The following IRAG2 variants were observed in gnomAD, a reference collection of about 807,000 sequenced individuals.
IRAG2 encodes the protein inositol 1,4,5-triphosphate receptor associated 2.
IRAG2 carries 45 observed loss-of-function variants against 69.9 expected under a neutral mutation model. The ratio of observed to expected loss-of-function variants is 0.64; its 90% confidence interval spans 0.51 to 0.83. IRAG2 has a LOEUF of 0.83. Ranked by LOEUF, IRAG2 falls within the 40% of genes least tolerant of loss-of-function variation. The probability of loss-of-function intolerance (pLI) is 0.00; values close to 1 mark genes in which losing one functional copy is unlikely to be tolerated. For missense variants in IRAG2, 520 were observed against 587.0 expected (o/e 0.89, Z 1.18); for synonymous variants, 193 against 202.4 (o/e 0.95, Z 0.40).
intron 6 of IRAG2, among the ~76,000 whole-genome samples, chr12:25,072,078 G>A (rs780787850): frequency 2.0e-5 from 3 of 152,000 alleles, no homozygotes; most frequent in Non-Finnish European, 2.9e-5. Context: ...GGTGGCAGGC[G>A]CCTGTAAAAC....
At position 25,069,396 on chromosome 12, in the gene IRAG2, G is replaced by A. The variant is rs971752691; in HGVS notation, c.-12G>A. The stretch of plus-strand genomic sequence containing the variant: ...CCCCAGCCCAGGAACGAATCTCTCA[G>A]GCTGCATCAGGATGAATGATGACCC... On this transcript the variant is annotated 5_prime_UTR_variant, in exon 6 of 22. Transcript: ENST00000556887. 6.2e-7 allele frequency: 1 copy of A among 1,613,912 alleles called. No homozygotes were observed. Among genetic ancestry groups the A allele is most frequent in the African/African-American group, 1.3e-5 (1 of 75,022 alleles).
chr12:25,041,722 G>A (rs991999762), intron 16 of IRAG2, among the ~76,000 whole-genome samples: 1 of 148,694 alleles, frequency 6.7e-6, no homozygotes, highest in African/African-American at 2.5e-5. Context: ...GGCCAGGCTG[G>A]TCTCAAACTC....
upstream of IRAG2, among the ~76,000 whole-genome samples, chr12:25,049,397 G>A (rs972506717): frequency 5.9e-5 from 9 of 152,066 alleles, no homozygotes; most frequent in African/African-American, 1.2e-4. Context: ...TTTTCCATTT[G>A]TTTGTGTCCT....
chr12:25,010,205 A>G (rs898087959), intron 2 of IRAG2, among the ~76,000 whole-genome samples: 5 of 152,150 alleles, frequency 3.3e-5, no homozygotes, highest in African/African-American at 1.2e-4. Flanking sequence ...TGCTGGGTAC[A>G]GTGACTCACA....
intron 15 of IRAG2, 97 bp from the exon 16 acceptor site, chr12:25,101,081 G>A: frequency 2.9e-6 from 3 of 1,039,490 alleles, no homozygotes; most frequent in Non-Finnish European, 4.1e-6. Context: ...ACTTTAGTGG[G>A]ATTTAGGAAT....
chr12:25,043,565 A>G (rs1481770974), intron 16 of IRAG2, among the ~76,000 whole-genome samples: 2 of 151,478 alleles, frequency 1.3e-5, no homozygotes, highest in Non-Finnish European at 2.9e-5. Context: ...CAATGTTTCA[A>G]TTTTTCTGGA....
rs1041102201 is a variant in IRAG2 at position 25,105,598 on chromosome 12, CTT to C, written c.1148+1139_1148+1140del. ...GAGCCTACTGCATGTGTTACAAACT[CTT>C]TTCAGATTTAGAGTTAACATAATGA... On this transcript the variant is annotated intron_variant, in intron 20 of 21. Coordinates refer to ENST00000556887, the MANE Select transcript of IRAG2 (RefSeq NM_001366544.2). 2.6e-4 allele frequency among the ~76,000 whole-genome samples: 39 copies of C among 151,190 alleles called. 1 individual carries two copies. Among genetic ancestry groups the C allele is most frequent in the Admixed American group, 2.4e-3 (36 of 15,162 alleles).
rs28579239 is a variant in IRAG2, at chr12:25,021,086, C to G, written c.1332+179C>G. 375 of 287,996 alleles carry G rather than the reference C, an allele frequency of 1.3e-3. 4 individuals carry two copies. Among genetic ancestry groups the G allele is most frequent in the African/African-American group, 8.7e-3 (341 of 39,132 alleles). The allele number at this position is 287,996 out of a possible 1,614,324, so 17.8% of individuals were successfully genotyped here. On this transcript the variant is annotated intron_variant, in intron 7 of 38. Coordinates refer to the IRAG2 transcript ENST00000636465. Reference sequence around the variant, plus strand: ...ATCTGTGTTTTCCTTTTCTTTCTTTCTTTTCTTTTTTTTTTTTTCTTTTTT... The same window carrying G: ...ATCTGTGTTTTCCTTTTCTTTCTTTGTTTTCTTTTTTTTTTTTTCTTTTTT...
intron 10 of IRAG2, among the ~76,000 whole-genome samples, chr12:25,087,230 T>A (rs1039987620): frequency 7.3e-6 from 1 of 137,308 alleles, no homozygotes; most frequent in East Asian, 2.3e-4. Flanking sequence ...TGCAGTGGCA[T>A]GATCTCGGTT....
At chr12:25,102,770 C>T (rs7972632) in intron 17 of IRAG2, 48,676 of 152,704 alleles carry the variant, frequency 0.32, 9,541 homozygotes, top group African/African-American at 0.56. Flanking sequence ...GAAAATACAG[C>T]GTGTATTTGG....
chr12:25,045,233 G>T (rs1433532479), intron 16 of IRAG2, among the ~76,000 whole-genome samples: 1 of 151,856 alleles, frequency 6.6e-6, no homozygotes, highest in South Asian at 2.1e-4. Flanking sequence ...AAAATCTTTG[G>T]GATGTAGAAA....
At chr12:25,006,035 C>CA (rs564884141) in intron 2 of IRAG2, among the ~76,000 whole-genome samples, 173 of 152,064 alleles carry the variant, frequency 1.1e-3, no homozygotes, top group Admixed American at 2.3e-3. Context: ...ATTCAACAAA[C>CA]AAAAAATAAC....
At chr12:25,054,288 C>G (rs2139902933) in intron 1 of IRAG2, among the ~76,000 whole-genome samples, 1 of 152,268 alleles carries the variant, frequency 6.6e-6, no homozygotes, top group South Asian at 2.1e-4. Flanking sequence ...TAGAACTGTT[C>G]ATGTTGAGAC....
intron 5 of IRAG2, among the ~76,000 whole-genome samples, chr12:25,016,220 G>C (rs1004241919): frequency 2.0e-5 from 3 of 151,400 alleles, no homozygotes; most frequent in Admixed American, 1.3e-4. Context: ...AAAGTGGAGT[G>C]GGAACTATGT....
intron 2 of IRAG2, among the ~76,000 whole-genome samples, chr12:25,010,164 GT>G (rs1256897468): frequency 1.3e-5 from 2 of 152,136 alleles, no homozygotes. Flanking sequence ...TTGCTTTCCA[GT>G]TCTTCTACAA....
At chr12:25,088,944 C>A (rs1318660426) in intron 11 of IRAG2, among the ~76,000 whole-genome samples, 1 of 151,820 alleles carries the variant, frequency 6.6e-6, no homozygotes, top group East Asian at 1.9e-4. Context: ...GATAAGATAT[C>A]TTTATCTTAT....
chr12:25,070,961 C>T (rs995583255), intron 6 of IRAG2, among the ~76,000 whole-genome samples: 15 of 152,088 alleles, frequency 9.9e-5, no homozygotes, highest in African/African-American at 3.6e-4. Flanking sequence ...ATCCTTTGCT[C>T]ATTTTAAAGA....
chr12:25,053,609 C>T (rs1945011219), intron 1 of IRAG2, among the ~76,000 whole-genome samples: 1 of 152,068 alleles, frequency 6.6e-6, no homozygotes, highest in Admixed American at 6.6e-5. Flanking sequence ...GTCAGATTAG[C>T]TATAAAATTG....
Position 25,101,321 on chromosome 12 carries a change from T to C in IRAG2, c.885T>C (p.Asp295=), listed in dbSNP as rs756867857. Residue 295 remains aspartate (D), a synonymous_variant, in exon 16 of 22, where the codon GAT becomes GAC. Transcript: ENST00000556887. ...AAAGGTCTTTCAATCCTCTTGAAGA[T>C]GATGGTAATAAAAGTTTATGATAAT... ...QNERSFNPLE[D]DDDCQIKKRS... is the part of the protein sequence containing the mutation. The C allele has an allele frequency of 5.0e-6, 8 of 1,589,632 alleles. No homozygotes were observed. In the Admixed American group the frequency reaches 1.3e-4, roughly 25 times the overall value.
Sources: gnomAD v4.1 joint callset for allele counts (sites outside exome capture counted in the v4.1 genomes callset) on GRCh38, gnomAD v4.1.1 for gene constraint, MANE v1.5 for transcripts, NCBI Gene and HGNC (gene_info 2026-07-23, HGNC 2026-07-21) for gene names.